Variants in BMP2K observed in about 807,000 individuals in gnomAD.
The protein encoded by BMP2K is BMP2 inducible kinase.
In BMP2K, 74 loss-of-function variants were observed where a neutral mutation model predicts 116.0. That is an observed-to-expected ratio of 0.64 (90% CI 0.53 to 0.77). The LOEUF (loss-of-function observed/expected upper bound fraction) is 0.77, where lower values mean the gene tolerates loss of function less well. Ranked by LOEUF, BMP2K falls within the 30% of genes least tolerant of loss-of-function variation. BMP2K has a pLI of 0.00. For synonymous variants in BMP2K, 486 were observed against 502.5 expected (o/e 0.97, Z 0.44); for missense variants, 1,365 against 1,403.6 (o/e 0.97, Z 0.44).
chr4:78,801,381 T>TGTGTGTCA (rs1728562389), intron 1 of BMP2K, among the ~76,000 whole-genome samples: 1 of 145,262 alleles, frequency 6.9e-6, no homozygotes, highest in South Asian at 2.1e-4. Context: ...TGTGTGTGTG[T>TGTGTGTCA]GTCATAAGTA....
At chr4:78,832,279 A>G (rs1208752975) in intron 2 of BMP2K, among the ~76,000 whole-genome samples, 1 of 152,092 alleles carries the variant, frequency 6.6e-6, no homozygotes, top group Non-Finnish European at 1.5e-5. Context: ...CAGCTGAACC[A>G]TTTTATGTTC....
intron 7 of BMP2K, among the ~76,000 whole-genome samples, chr4:78,854,919 T>G (rs1731430365): frequency 6.6e-6 from 1 of 151,858 alleles, no homozygotes; most frequent in African/African-American, 2.4e-5. Context: ...TCTCCTATAT[T>G]ATTTTTGAAA....
chr4:78,808,261 C>G (rs1578484302), intron 1 of BMP2K, among the ~76,000 whole-genome samples: 2 of 133,468 alleles, frequency 1.5e-5, no homozygotes, highest in South Asian at 4.7e-4. Flanking sequence ...TGAGATCTTG[C>G]TTCCTTTTTT....
intron 5 of BMP2K, among the ~76,000 whole-genome samples, chr4:78,845,849 TG>T (rs1263325757): frequency 1.3e-5 from 2 of 151,650 alleles, no homozygotes; most frequent in African/African-American, 4.8e-5. Flanking sequence ...CAAATAGAGC[TG>T]ATTTTACTCT....
intron 1 of BMP2K, among the ~76,000 whole-genome samples, chr4:78,796,345 A>G (rs769910660): frequency 2.2e-5 from 3 of 133,334 alleles, no homozygotes; most frequent in Admixed American, 9.3e-5. Context: ...ATGAGAACAC[A>G]TGGACACAGG....
chr4:78,911,171 A>C lies in BMP2K; in HGVS notation c.2624A>C (p.Lys875Thr), dbSNP rs1734574119. The C allele has an allele frequency of 9.3e-6, 15 of 1,613,752 alleles. No individual in the cohort carries two copies. Among genetic ancestry groups the C allele is most frequent in the Non-Finnish European group, 1.3e-5 (15 of 1,179,792 alleles). The change falls in exon 16 of 16, where the codon AAG (lysine) becomes ACG (threonine). Residue 875 changes from lysine (K) to threonine (T), a missense_variant. Lys to Thr is a moderately conservative substitution (Grantham distance 78). This residue lies in a region of BMP2K where 596 missense variants were observed against 623.2 expected (regional missense o/e 0.96). Transcript: ENST00000502613. ...CGTGCTCAACAGCCCCAGCAAGAAA[A>C]GAATGAAAAGAACCTCCCTCAACAC... is the stretch of plus-strand genomic sequence containing the variant. ...AVRAQQPQQE[K>T]NEKNLPQHRF...
In BMP2K at chr4:78,911,664, A is replaced by T; in HGVS notation, c.3117A>T (p.Ser1039=). The T allele has an allele frequency of 6.2e-7, 1 of 1,613,786 alleles. No individual in the cohort carries two copies. The highest frequency in any genetic ancestry group is 8.5e-7 in the Non-Finnish European group (1 of 1,179,722). The change falls in exon 16 of 16, where the codon TCA becomes TCT. Residue 1039 remains serine (S), a synonymous_variant. Coordinates refer to ENST00000502613, the MANE Select transcript of BMP2K (RefSeq NM_198892.2). ...GTAGCAATGAATTTTTAACCATCTCAGACTCCAAGGAGAACATTAGTGTTG... is the reference window on the plus strand; with the variant it reads ...GTAGCAATGAATTTTTAACCATCTCTGACTCCAAGGAGAACATTAGTGTTG... The part of the protein sequence containing the change: ...SQSSNEFLTI[S]DSKENISVAL...
chr4:78,911,248 G>A lies in BMP2K; in HGVS notation c.2701G>A (p.Ala901Thr). 6.2e-7 allele frequency: 1 copy of A among 1,613,970 alleles called. No homozygotes were observed. The highest frequency in any genetic ancestry group is 8.5e-7 in the Non-Finnish European group (1 of 1,179,892). ...EQEEFDVFTK[A>T]PFSKKVNVQE... is the part of the protein sequence containing the mutation. The stretch of plus-strand genomic sequence containing the variant: ...GGAGGAATTTGATGTATTCACAAAG[G>A]CGCCTTTTAGCAAGAAGGTGAATGT... Residue 901 changes from alanine (A) to threonine (T), a missense_variant, in exon 16 of 16, where the codon GCG becomes ACG. Physicochemically the swap from Ala to Thr is moderately conservative, Grantham distance 58. Transcript: ENST00000502613.
intron 14 of BMP2K, among the ~76,000 whole-genome samples, chr4:78,880,246 A>AT (rs1351638312): frequency 3.3e-5 from 5 of 152,000 alleles, no homozygotes; most frequent in Non-Finnish European, 7.4e-5. Flanking sequence ...CGAATTTTGT[A>AT]TTTTTAGTAG....
intron 8 of BMP2K, 138 bp downstream of exon 8, chr4:78,859,825 G>T: frequency 1.6e-6 from 1 of 637,784 alleles, no homozygotes; most frequent in African/African-American, 1.8e-5. Flanking sequence ...TGATCTGATT[G>T]TGTGTTTGAT....
chr4:78,848,212 A>G (rs912026210), intron 6 of BMP2K, among the ~76,000 whole-genome samples: 1 of 151,552 alleles, frequency 6.6e-6, no homozygotes, highest in Non-Finnish European at 1.5e-5. Context: ...TACATTCACC[A>G]AACAGTAATT....
chr4:78,860,729 A>G (rs1429723601), intron 8 of BMP2K, among the ~76,000 whole-genome samples: 5 of 148,792 alleles, frequency 3.4e-5, no homozygotes, highest in Non-Finnish European at 7.4e-5. Context: ...GTGTAACTTA[A>G]TCTACCCCAC....
chr4:78,915,481 T>C lies in BMP2K; in HGVS notation c.*3448T>C, dbSNP rs1734964242. 1 of 151,958 alleles carries C rather than the reference T, an allele frequency of 6.6e-6. No homozygotes were observed. The highest frequency in any genetic ancestry group is 3.2e-3 in the Middle Eastern group (1 of 316). 9.4% of individuals were successfully genotyped at this position (151,958 alleles called of 1,614,324 possible). A position where few individuals can be genotyped will look rare whatever the true frequency, so the allele number is the denominator to read the frequency against. On this transcript the variant is annotated 3_prime_UTR_variant, in exon 16 of 16. Transcript: ENST00000502613. ...AACTTTTTTCTCATTTTTTTTTCTT[T>C]TTAGCAAACTTGTTATTTTAGGTCC...
Position 78,844,990 on chromosome 4 carries a change from TAATA to T in BMP2K, c.613_616del (p.Lys205PhefsTer11). The T allele has an allele frequency of 1.3e-6, 2 of 1,595,318 alleles. No individual in the cohort carries two copies. The highest frequency in any genetic ancestry group is 1.7e-6 in the Non-Finnish European group (2 of 1,164,414). Reference sequence around the variant, plus strand: ...TACTTTGTGACTTTGGCAGTGCCACTAATAAATTTCTTAATCCTCAAAAAGATGG... The same window carrying T: ...TACTTTGTGACTTTGGCAGTGCCACTAATTTCTTAATCCTCAAAAAGATGG... On this transcript the variant is annotated frameshift_variant, in exon 5 of 16. Coordinates refer to ENST00000502613, the MANE Select transcript of BMP2K (RefSeq NM_198892.2). LOFTEE classifies it high-confidence loss of function.
At position 78,776,697 on chromosome 4, in the gene BMP2K, A is replaced by T. The variant is rs979273044; in HGVS notation, c.154A>T (p.Thr52Ser). Reference sequence around the variant, plus strand: ...GTTCGCGGTCGGCCGCCACCAGGTCACCCTGGAAGAGTCGCTGGCCGAAGG... The same window carrying T: ...GTTCGCGGTCGGCCGCCACCAGGTCTCCCTGGAAGAGTCGCTGGCCGAAGG... ...RVFAVGRHQV[T>S]LEESLAEGGF... The change falls in exon 1 of 16, where the codon ACC becomes TCC. Residue 52 changes from threonine to serine, a missense_variant. Thr to Ser is a moderately conservative substitution (Grantham distance 58). Transcript: ENST00000502613. 1 of 1,260,044 alleles carries T rather than the reference A, an allele frequency of 7.9e-7. No individual in the cohort carries two copies. The highest frequency in any genetic ancestry group is 3.8e-5 in the South Asian group (1 of 26,050). 78.1% of individuals were successfully genotyped at this position (1,260,044 alleles called of 1,614,324 possible).
intron 1 of BMP2K, among the ~76,000 whole-genome samples, chr4:78,778,291 A>G (rs1237530274): frequency 6.6e-6 from 1 of 152,222 alleles, no homozygotes; most frequent in Non-Finnish European, 1.5e-5. Context: ...AGCATATCTT[A>G]TCACTACCCT....
chr4:78,826,254 C>T (rs1433410334), intron 2 of BMP2K, 99 bp downstream of exon 2: 45 of 879,098 alleles, frequency 5.1e-5, no homozygotes, highest in Middle Eastern at 2.8e-4. Context: ...CAGGCTGGAG[C>T]GCAGTGGCGT....
intron 6 of BMP2K, among the ~76,000 whole-genome samples, chr4:78,850,462 A>G (rs186850417): frequency 6.6e-6 from 1 of 152,032 alleles, no homozygotes; most frequent in Admixed American, 6.6e-5. Flanking sequence ...CCTGGTAAAT[A>G]GTAAGAATTT....
intron 15 of BMP2K, among the ~76,000 whole-genome samples, chr4:78,906,517 G>A (rs1734293805): frequency 6.6e-6 from 1 of 152,008 alleles, no homozygotes; most frequent in African/African-American, 2.4e-5. Context: ...TTCTTATACT[G>A]TGTTCTCAAA....
Sources: allele counts gnomAD v4.1 joint callset (sites outside exome capture counted in the v4.1 genomes callset), GRCh38; gene constraint gnomAD v4.1.1; regional missense constraint gnomAD v4.1.1; transcripts MANE v1.5; gene names NCBI Gene and HGNC (gene_info 2026-07-23, HGNC 2026-07-21).